The following TP63 variants were observed in gnomAD, a reference collection of about 807,000 sequenced individuals.
TP63 encodes tumor protein 63.
TP63 carries 17 observed loss-of-function variants against 82.8 expected under a neutral mutation model. The ratio of observed to expected loss-of-function variants is 0.21; its 90% CI spans 0.14 to 0.31. The LOEUF (loss-of-function observed/expected upper bound fraction) is 0.31, where lower values mean the gene tolerates loss of function less well. TP63 is among the 10% of genes least tolerant of loss of function. The pLI, the probability that TP63 is intolerant of heterozygous loss-of-function variation, is 1.00. For synonymous variants in TP63, 330 were observed against 321.7 expected (o/e 1.03, Z -0.28); for missense variants, 648 against 895.3 (o/e 0.72, Z 3.52).
intron 1 of TP63, among the ~76,000 whole-genome samples, chr3:189,669,714 C>T (rs906297409): frequency 9.9e-5 from 15 of 151,714 alleles, no homozygotes; most frequent in African/African-American, 3.6e-4. Context: ...TCTAGGTAGA[C>T]ATTAATAAGT....
At chr3:189,700,829 A>C (rs1482796281) in intron 1 of TP63, among the ~76,000 whole-genome samples, 1 of 152,178 alleles carries the variant, frequency 6.6e-6, no homozygotes, top group Non-Finnish European at 1.5e-5. Flanking sequence ...TATTCCAGGG[A>C]TATTTTAGGA....
At chr3:189,621,792 TTATAC>T in the TP63 span, among the ~76,000 whole-genome samples, 92 of 152,310 alleles carry the variant, frequency 6.0e-4, 1 homozygote, top group Non-Finnish European at 1.1e-3. Context: ...GGAAAATTAT[TTATAC>T]TATTCAGAAG....
intron 4 of TP63, among the ~76,000 whole-genome samples, chr3:189,855,777 C>T (rs1716216127): frequency 6.6e-6 from 1 of 151,950 alleles, no homozygotes; most frequent in African/African-American, 2.4e-5. Flanking sequence ...TGGTATGTAT[C>T]TCTTGAGTAA....
chr3:189,786,042 A>C (rs1724574594), intron 3 of TP63, among the ~76,000 whole-genome samples: 2 of 152,012 alleles, frequency 1.3e-5, no homozygotes, highest in Non-Finnish European at 2.9e-5. Flanking sequence ...AACCAAAAAA[A>C]TCCAGTATAA....
intron 11 of TP63, 29 bp downstream of exon 11, chr3:189,886,580 G>A (rs1320113397): frequency 3.8e-5 from 62 of 1,613,014 alleles, no homozygotes; most frequent in Non-Finnish European, 5.1e-5. Context: ...AGCTGTGGCT[G>A]AAGGATGAAC....
chr3:189,730,502 A>G (rs1186749110), intron 1 of TP63, among the ~76,000 whole-genome samples: 5 of 152,230 alleles, frequency 3.3e-5, no homozygotes, highest in African/African-American at 1.2e-4. Context: ...ATAAGGAGCC[A>G]CATATGTAAT....
rs1719573654 is a variant in TP63, at chr3:189,878,841, C to G, written c.1349+5846C>G. Among the ~76,000 whole-genome samples the G allele has an allele frequency of 1.7e-5, 2 of 114,506 alleles. 1 individual carries two copies. Among genetic ancestry groups the G allele is most frequent in the Non-Finnish European group, 3.6e-5 (2 of 54,932 alleles). The allele number at this position is 114,506 out of a possible 152,430, so 75.1% of individuals were successfully genotyped here. On this transcript the variant is annotated intron_variant, in intron 10 of 13. Coordinates refer to ENST00000264731, the MANE Select transcript of TP63 (RefSeq NM_003722.5). Reference sequence around the variant, plus strand: ...ACGGGGTTTCACCATGTTGGCCAGGCTGGTCTCAAACCCCTGACCTTGTGA... The same window carrying G: ...ACGGGGTTTCACCATGTTGGCCAGGGTGGTCTCAAACCCCTGACCTTGTGA...
In TP63 at chr3:189,742,179, G is replaced by A. The variant is rs144204266; in HGVS notation, c.324+3405G>A. Among the ~76,000 whole-genome samples, 974 of 146,968 alleles carry A rather than the reference G, an allele frequency of 6.6e-3. 14 individuals carry two copies. The highest frequency in any genetic ancestry group is 0.023 in the African/African-American group (893 of 39,636). On this transcript the variant is annotated intron_variant, in intron 3 of 13. Transcript: ENST00000264731. ...AATCGCTTGAGCCTGGGAGGTGGAGGTTGCAGTGAGCTAAGATTGTGCCAT... is the reference window on the plus strand; with the variant it reads ...AATCGCTTGAGCCTGGGAGGTGGAGATTGCAGTGAGCTAAGATTGTGCCAT...
chr3:189,653,711 T>C (rs547033625), intron 1 of TP63, among the ~76,000 whole-genome samples: 1 of 152,340 alleles, frequency 6.6e-6, no homozygotes, highest in African/African-American at 2.4e-5. Flanking sequence ...CCTTTGTGAA[T>C]ATATGGCACT....
intron 4 of TP63, among the ~76,000 whole-genome samples, chr3:189,839,153 T>C (rs923506447): frequency 1.3e-5 from 2 of 152,126 alleles, no homozygotes; most frequent in African/African-American, 4.8e-5. Context: ...TCCTCGTTTT[T>C]AAATCCTATT....
chr3:189,664,872 G>A (rs1190823549), intron 1 of TP63, among the ~76,000 whole-genome samples: 1 of 152,126 alleles, frequency 6.6e-6, no homozygotes, highest in Admixed American at 6.6e-5. Flanking sequence ...AAGCAGAAGA[G>A]ATCTAGCTGG....
chr3:189,719,833 G>A (rs1392591350), intron 1 of TP63, among the ~76,000 whole-genome samples: 1 of 152,156 alleles, frequency 6.6e-6, no homozygotes, highest in Non-Finnish European at 1.5e-5. Flanking sequence ...ACTTTAAAAA[G>A]CAAATTTCTT....
chr3:189,886,501 A>G lies in TP63; in HGVS notation c.1457A>G (p.Gln486Arg). The G allele has an allele frequency of 6.2e-7, 1 of 1,614,154 alleles. No individual in the cohort carries two copies. The highest frequency in any genetic ancestry group is 1.1e-5 in the South Asian group (1 of 91,078). Reference protein sequence around the residue: ...PSVSQLINPQQRNALTPTTIP... With the variant: ...PSVSQLINPQRRNALTPTTIP... ...GTGAGCCAGCTTATCAACCCTCAGCAGCGCAACGCCCTCACTCCTACAACC... is the reference window on the plus strand; with the variant it reads ...GTGAGCCAGCTTATCAACCCTCAGCGGCGCAACGCCCTCACTCCTACAACC... The change falls in exon 11 of 14, where the codon CAG becomes CGG. Residue 486 changes from glutamine (Q) to arginine (R), a missense_variant. Coordinates refer to ENST00000264731, the MANE Select transcript of TP63 (RefSeq NM_003722.5).
At chr3:189,611,210 C>T in the TP63 span, among the ~76,000 whole-genome samples, 1 of 152,140 alleles carries the variant, frequency 6.6e-6, no homozygotes, top group Non-Finnish European at 1.5e-5. Context: ...TGTCATGAAA[C>T]CTTTGCTCAT....
At chr3:189,641,978 C>T (rs987965837) in intron 1 of TP63, among the ~76,000 whole-genome samples, 23 of 152,148 alleles carry the variant, frequency 1.5e-4, no homozygotes, top group African/African-American at 5.1e-4. Flanking sequence ...TCACCTGAGT[C>T]AGGGCTATCT....
chr3:189,603,672 A>AG, the TP63 span, among the ~76,000 whole-genome samples: 4 of 66,514 alleles, frequency 6.0e-5, no homozygotes, highest in African/African-American at 1.6e-4. Flanking sequence ...AAAAAAAAAA[A>AG]AAAAGAAGCA....
intron 1 of TP63, among the ~76,000 whole-genome samples, chr3:189,678,651 T>G (rs1470835552): frequency 6.6e-6 from 1 of 152,106 alleles, no homozygotes; most frequent in Non-Finnish European, 1.5e-5. Context: ...AGGAATTGCA[T>G]TCAATCTGTA....
At chr3:189,762,838 T>G (rs775895149) in intron 3 of TP63, among the ~76,000 whole-genome samples, 1 of 152,172 alleles carries the variant, frequency 6.6e-6, no homozygotes, top group African/African-American at 2.4e-5. Flanking sequence ...GAGACAGATA[T>G]GAAGTCAATA....
chr3:189,857,380 G>A (rs950705793), intron 4 of TP63, among the ~76,000 whole-genome samples: 2 of 152,118 alleles, frequency 1.3e-5, no homozygotes, highest in African/African-American at 4.8e-5. Flanking sequence ...ACAATTGACT[G>A]AAAATATAGT....
Sources: allele counts gnomAD v4.1 joint callset (sites outside exome capture counted in the v4.1 genomes callset), GRCh38; gene constraint gnomAD v4.1.1; transcripts MANE v1.5; gene names NCBI Gene and HGNC (gene_info 2026-07-23, HGNC 2026-07-21).